The following CDSN variants were observed in gnomAD, a reference collection of about 807,000 sequenced individuals.
CDSN encodes S protein.
In CDSN, 11 loss-of-function variants were observed where a neutral mutation model predicts 25.6. The observed-to-expected ratio is 0.43, with a 90% CI of 0.27 to 0.71. The LOEUF (loss-of-function observed/expected upper bound fraction) is 0.71. Among genes scored for constraint, CDSN ranks in the 30% least tolerant of loss-of-function variants. CDSN has a pLI of 0.20. For synonymous variants in CDSN, 266 were observed against 267.4 expected (o/e 0.99, Z 0.05); for missense variants, 598 against 670.9 (o/e 0.89, Z 1.20).
chr6:31,116,962 C>G lies in CDSN; in HGVS notation c.653G>C (p.Cys218Ser), dbSNP rs1228793447. 3 of 1,614,090 alleles carry G rather than the reference C, an allele frequency of 1.9e-6. No homozygotes were observed. Among genetic ancestry groups the G allele is most frequent in the Non-Finnish European group, 2.5e-6 (3 of 1,180,032 alleles). ...GGGAGAGTCGGGGATGTCCGAACTA[C>G]AGGGACGCTGGTTGGAGCTGACGCT... ...GQSVSSNQRP[C>S]SSDIPDSPCS... The change falls in exon 2 of 2, where the codon TGT (cysteine) becomes TCT (serine). Residue 218 changes from cysteine (C) to serine (S), a missense_variant. By Grantham distance (112) the Cys-to-Ser change is moderately radical. Transcript: ENST00000376288.
In CDSN at chr6:31,117,459, G is replaced by A. The variant is rs746628392; in HGVS notation, c.156C>T (p.Asn52=). ...CKDPTRITSP[N]DPCLTGKGDS... ...CACCCTTCCCAGTGAGGCAGGGGTC[G>A]TTAGGGGAGGTGATACGCGTGGGGT... The change falls in exon 2 of 2, where the codon AAC becomes AAT. Residue 52 remains asparagine, a synonymous_variant. Transcript: ENST00000376288. 19 of 1,555,142 alleles carry A rather than the reference G, an allele frequency of 1.2e-5. No individual in the cohort carries two copies. Among genetic ancestry groups the A allele is most frequent in the Non-Finnish European group, 1.7e-5 (19 of 1,149,466 alleles).
Position 31,115,852 on chromosome 6 carries a change from G to A in CDSN, c.*173C>T. On this transcript the variant is annotated 3_prime_UTR_variant, in exon 2 of 2. Coordinates refer to ENST00000376288, the MANE Select transcript of CDSN (RefSeq NM_001264.5). This position sits in a 1 kb window ranked among gnomAD's most constrained non-coding sequence, Gnocchi z 4.2. Reference sequence around the variant, plus strand: ...CATTTTGAGAAGAGGAAGGAGGAAGGGGTGATAAGAGAGAGTCTGCAACCT... The same window carrying A: ...CATTTTGAGAAGAGGAAGGAGGAAGAGGTGATAAGAGAGAGTCTGCAACCT... The A allele has an allele frequency of 3.3e-6, 2 of 607,564 alleles. No individual in the cohort carries two copies. Among genetic ancestry groups the A allele is most frequent in the East Asian group, 2.8e-5 (1 of 36,252 alleles). 37.6% of individuals were successfully genotyped at this position (607,564 alleles called of 1,614,324 possible).
At position 31,117,258 on chromosome 6, in the gene CDSN, G is replaced by A. The variant is rs1014535799; in HGVS notation, c.357C>T (p.Ser119=). 13 of 1,609,572 alleles carry A rather than the reference G, an allele frequency of 8.1e-6. No individual in the cohort carries two copies. The highest frequency in any genetic ancestry group is 1.3e-5 in the African/African-American group (1 of 74,814). Residue 119 remains serine (S), a synonymous_variant, in exon 2 of 2, where the codon TCC becomes TCT. Transcript: ENST00000376288. ...GTGYSQVSYS[S]GSGSSLQGAS... ...CACCTTGTAGACTAGAGCCAGATCC[G>A]GAGGAGTAGCTGACCTGGGAATACC...
rs777038694 is a variant in CDSN at position 31,117,339 on chromosome 6, G to A, written c.276C>T (p.Ser92=). ...RSSGGGSSGS[S]SGSSIAQGGS... ...CACCCTGGGCAATGCTGGATCCGCT[G>A]GAGCTACCACTGGAGCCACCACCAG... Residue 92 remains serine, a synonymous_variant, in exon 2 of 2, where the codon TCC becomes TCT. Coordinates refer to ENST00000376288, the MANE Select transcript of CDSN (RefSeq NM_001264.5). 18 of 1,578,374 alleles carry A rather than the reference G, an allele frequency of 1.1e-5. No individual in the cohort carries two copies. Among genetic ancestry groups the A allele is most frequent in the Middle Eastern group, 1.7e-4 (1 of 5,996 alleles).
At chr6:31,118,837 C>CTTTG (rs201665595) in intron 1 of CDSN, 1 of 92,456 alleles carries the variant, frequency 1.1e-5, no homozygotes. Flanking sequence ...GTTTTTTCTT[C>CTTTG]TTCTTCTTTT....
Position 31,117,266 on chromosome 6 carries a change from A to G in CDSN, c.349T>C (p.Tyr117His). 1.9e-6 allele frequency: 3 copies of G among 1,608,560 alleles called. No homozygotes were observed. Among genetic ancestry groups the G allele is most frequent in the East Asian group, 2.2e-5 (1 of 44,764 alleles). The stretch of plus-strand genomic sequence containing the variant: ...AGACTAGAGCCAGATCCGGAGGAGT[A>G]GCTGACCTGGGAATACCCCGTTCCT... ...KPGTGYSQVSYSSGSGSSLQG... is the reference protein window; with the variant it reads ...KPGTGYSQVSHSSGSGSSLQG... Residue 117 changes from tyrosine to histidine, a missense_variant, in exon 2 of 2, where the codon TAC becomes CAC. By Grantham distance (83) the Tyr-to-His change is moderately conservative. Coordinates refer to ENST00000376288, the MANE Select transcript of CDSN (RefSeq NM_001264.5).
intron 1 of CDSN, 161 bp from the exon 2 acceptor site, chr6:31,117,690 A>C (rs1422930232): frequency 1.6e-6 from 1 of 644,830 alleles, no homozygotes; most frequent in Non-Finnish European, 2.7e-6. Context: ...TTGTCTCTAA[A>C]GGATATTGAG....
At chr6:31,119,457 G>A (rs996597043) in intron 1 of CDSN, among the ~76,000 whole-genome samples, 1 of 152,206 alleles carries the variant, frequency 6.6e-6, no homozygotes, top group African/African-American at 2.4e-5. Flanking sequence ...AGGTCCAGGG[G>A]TTGCCCGGCC....
intron 1 of CDSN, chr6:31,118,713 A>G (rs1581840428): frequency 6.6e-6 from 1 of 152,238 alleles, no homozygotes; most frequent in Non-Finnish European, 1.5e-5. Flanking sequence ...GCCACATACT[A>G]GCAAGTTACT....
rs953173935 is a variant in CDSN at position 31,116,341 on chromosome 6, G to A, written c.1274C>T (p.Pro425Leu). The change falls in exon 2 of 2, where the codon CCA becomes CTA. Residue 425 changes from proline to leucine, a missense_variant. Physicochemically the swap from Pro to Leu is moderately conservative, Grantham distance 98. Transcript: ENST00000376288. The stretch of plus-strand genomic sequence containing the variant: ...GCTGCTGAAGGAGCCGGTGCCTGGT[G>A]GGGAGCAGGGGCTCTGGGAAGCACT... ...CGSASQSPCSPPGTGSFSSSS... is the reference protein window; with the variant it reads ...CGSASQSPCSLPGTGSFSSSS... 2 of 1,613,538 alleles carry A rather than the reference G, an allele frequency of 1.2e-6. No homozygotes were observed. The highest frequency in any genetic ancestry group is 1.7e-6 in the Non-Finnish European group (2 of 1,179,712).
chr6:31,117,743 A>G lies in CDSN; in HGVS notation c.86-214T>C, dbSNP rs570857880. 168 of 589,894 alleles carry G rather than the reference A, an allele frequency of 2.8e-4. 4 individuals carry two copies. In the South Asian group the frequency reaches 3.0e-3, roughly 11 times the overall value. 36.5% of individuals were successfully genotyped at this position (589,894 alleles called of 1,614,324 possible). A position where few individuals can be genotyped will look rare whatever the true frequency, so the allele number is the denominator to read the frequency against. The stretch of plus-strand genomic sequence containing the variant: ...TTTCTTTGTTTGGGAAGGGTGGGCA[A>G]ACACCAACCAGAAAAATAGAAAATT... On this transcript the variant is annotated intron_variant, in intron 1 of 1. Coordinates refer to ENST00000376288, the MANE Select transcript of CDSN (RefSeq NM_001264.5).
At chr6:31,119,104 G>A (rs895373851) in intron 1 of CDSN, among the ~76,000 whole-genome samples, 3 of 151,994 alleles carry the variant, frequency 2.0e-5, no homozygotes, top group African/African-American at 7.2e-5. Flanking sequence ...TTGGCCTCCT[G>A]AAATGTTGGG....
At chr6:31,120,239 G>T in intron 1 of CDSN, 96 bp downstream of exon 1, 1 of 970,576 alleles carries the variant, frequency 1.0e-6, no homozygotes, top group Non-Finnish European at 1.6e-6. Flanking sequence ...GACTCAAAAG[G>T]CAGATTCCAG....
In CDSN at chr6:31,116,196, G is replaced by A; in HGVS notation, c.1419C>T (p.Gly473=). 6.2e-7 allele frequency: 1 copy of A among 1,613,676 alleles called. No individual in the cohort carries two copies. The highest frequency in any genetic ancestry group is 8.5e-7 in the Non-Finnish European group (1 of 1,179,750). The stretch of plus-strand genomic sequence containing the variant: ...CAGCGGAGGGATCAGGATGGGGAGA[G>A]CCATCGGGGCCCCCAGTCAGTGTCA... The part of the protein sequence containing the change: ...SSLTLTGGPD[G]SPHPDPSAGA... Residue 473 remains glycine (G), a synonymous_variant, in exon 2 of 2, where the codon GGC becomes GGT. Coordinates refer to ENST00000376288, the MANE Select transcript of CDSN (RefSeq NM_001264.5).
At chr6:31,120,257 G>A in intron 1 of CDSN, 78 bp downstream of exon 1, 3 of 1,138,682 alleles carry the variant, frequency 2.6e-6, no homozygotes, top group Non-Finnish European at 3.9e-6. Flanking sequence ...CAGAGCCCCT[G>A]CCTGTCCCCT....
In CDSN at chr6:31,117,190, C is replaced by T; in HGVS notation, c.425G>A (p.Gly142Glu). The change falls in exon 2 of 2, where the codon GGA becomes GAA. Residue 142 changes from glycine (G) to glutamate (E), a missense_variant. Coordinates refer to ENST00000376288, the MANE Select transcript of CDSN (RefSeq NM_001264.5). The part of the protein sequence containing the change: ...SQLGSSSSHS[G>E]NSGSHSGSSS... The stretch of plus-strand genomic sequence containing the variant: ...GCTTCCCGAGTGAGAGCCGCTGTTT[C>T]CCGAGTGAGAGCTGCTGCTCCCCAG... The T allele has an allele frequency of 1.2e-6, 2 of 1,613,268 alleles. No homozygotes were observed. The highest frequency in any genetic ancestry group is 1.1e-5 in the South Asian group (1 of 91,032).
Position 31,116,343 on chromosome 6 carries a change from G to T in CDSN, c.1272C>A (p.Ser424=). The T allele has an allele frequency of 6.2e-7, 1 of 1,613,512 alleles. No individual in the cohort carries two copies. Among genetic ancestry groups the T allele is most frequent in the South Asian group, 1.1e-5 (1 of 90,998 alleles). The change falls in exon 2 of 2, where the codon TCC becomes TCA. Residue 424 remains serine (S), a synonymous_variant. Coordinates refer to ENST00000376288, the MANE Select transcript of CDSN (RefSeq NM_001264.5). ...PCGSASQSPC[S]PPGTGSFSSS... ...TGCTGAAGGAGCCGGTGCCTGGTGG[G>T]GAGCAGGGGCTCTGGGAAGCACTGC...
Position 31,116,857 on chromosome 6 carries a change from A to G in CDSN, c.758T>C (p.Val253Ala). 1 of 1,614,024 alleles carries G rather than the reference A, an allele frequency of 6.2e-7. No individual in the cohort carries two copies. The highest frequency in any genetic ancestry group is 8.5e-7 in the Non-Finnish European group (1 of 1,179,932). Residue 253 changes from valine (V) to alanine (A), a missense_variant, in exon 2 of 2, where the codon GTG becomes GCG. Physicochemically the swap from Val to Ala is moderately conservative, Grantham distance 64. Transcript: ENST00000376288. Reference sequence around the variant, plus strand: ...ACCGTGCTGGTCCACCACCACCACCACAGGCCTCTGACCCCCTGACACAGA... The same window carrying G: ...ACCGTGCTGGTCCACCACCACCACCGCAGGCCTCTGACCCCCTGACACAGA... ...SHSVSGGQRP[V>A]VVVVDQHGSG...
At position 31,117,637 on chromosome 6, in the gene CDSN, G is replaced by T. The variant is rs144820504; in HGVS notation, c.86-108C>A. ...CTCTCGGGTTTCTCCCAAGCAGAGCGCAGGGAGAGTTTAGGGATGGAGAAA... is the reference window on the plus strand; with the variant it reads ...CTCTCGGGTTTCTCCCAAGCAGAGCTCAGGGAGAGTTTAGGGATGGAGAAA... On this transcript the variant is annotated intron_variant, in intron 1 of 1. Transcript: ENST00000376288. The T allele has an allele frequency of 4.5e-5, 42 of 927,436 alleles. No individual in the cohort carries two copies. In the African/African-American group the frequency reaches 5.4e-4, roughly 12 times the overall value. The allele number at this position is 927,436 out of a possible 1,614,324, so 57.5% of individuals were successfully genotyped here.
Sources: allele counts gnomAD v4.1 joint callset (sites outside exome capture counted in the v4.1 genomes callset), GRCh38; gene constraint gnomAD v4.1.1; non-coding constraint Gnocchi (gnomAD v3.1); transcripts MANE v1.5; gene names NCBI Gene and HGNC (gene_info 2026-07-23, HGNC 2026-07-21).